GRID2: variants seen among roughly 807,000 people sequenced by gnomAD.
The protein encoded by GRID2 is glutamate ionotropic receptor delta type subunit 2, also known as glutamate receptor ionotropic, delta-2.
Under a neutral mutation model 114.8 loss-of-function variants are expected in GRID2, and 33 were observed. That is an observed-to-expected ratio of 0.29 (90% CI 0.22 to 0.38). The LOEUF (loss-of-function observed/expected upper bound fraction) is 0.38, where lower values mean the gene tolerates loss of function less well. Among genes scored for constraint, GRID2 ranks in the 10% least tolerant of loss-of-function variants. GRID2 has a pLI of 1.00. For synonymous variants in GRID2, 505 were observed against 449.9 expected, an observed-to-expected ratio of 1.12 and a Z score of -1.55; for missense variants, 1,184 against 1,257.7, an observed-to-expected ratio of 0.94 and a Z score of 0.89.
At chr4:93,329,919 A>G (rs1472904805) in intron 8 of GRID2, among the ~76,000 whole-genome samples, 1 of 152,090 alleles carries the variant, frequency 6.6e-6, no homozygotes, top group African/African-American at 2.4e-5. Context: ...CGAAAAAAAA[A>G]AAAATTGTAC....
intron 2 of GRID2, among the ~76,000 whole-genome samples, chr4:93,039,749 C>A (rs560916632): frequency 1.3e-5 from 2 of 152,276 alleles, no homozygotes; most frequent in African/African-American, 4.8e-5. Flanking sequence ...CCGGCTCATA[C>A]TAACCTTGGT....
exon 2 of GRID2, chr4:93,810,009 GAAAC>G (rs1735102246): frequency 6.6e-6 from 1 of 152,226 alleles, no homozygotes; most frequent in African/African-American, 2.4e-5. Flanking sequence ...CCAAGCATAT[GAAAC>G]AAGATGATCT....
At chr4:92,713,836 C>T (rs1367707794) in intron 2 of GRID2, among the ~76,000 whole-genome samples, 2 of 151,928 alleles carry the variant, frequency 1.3e-5, no homozygotes, top group South Asian at 2.1e-4. Flanking sequence ...CACCAGGTCC[C>T]TCCCATAACA....
chr4:92,992,690 A>G (rs984605570), intron 2 of GRID2, among the ~76,000 whole-genome samples: 1 of 152,214 alleles, frequency 6.6e-6, no homozygotes, highest in Non-Finnish European at 1.5e-5. Flanking sequence ...TTTTACCTGT[A>G]AAACAATAGA....
chr4:93,195,837 G>A (rs1009601396), intron 4 of GRID2, among the ~76,000 whole-genome samples: 12 of 152,226 alleles, frequency 7.9e-5, no homozygotes, highest in African/African-American at 2.2e-4. Flanking sequence ...AATCATAAAC[G>A]CTGACAGATA....
intron 8 of GRID2, among the ~76,000 whole-genome samples, chr4:93,368,374 A>G (rs751399703): frequency 1.5e-4 from 23 of 150,828 alleles, no homozygotes; most frequent in Non-Finnish European, 2.8e-4. Flanking sequence ...ATTCTTAACT[A>G]TGGGGATATA....
At chr4:93,651,137 A>G (rs1352851362) in intron 14 of GRID2, among the ~76,000 whole-genome samples, 1 of 152,154 alleles carries the variant, frequency 6.6e-6, no homozygotes, top group Non-Finnish European at 1.5e-5. Flanking sequence ...ATATTTAAAT[A>G]ATGAGCCAAT....
chr4:92,575,847 C>G (rs1267081254), intron 1 of GRID2, among the ~76,000 whole-genome samples: 1 of 152,224 alleles, frequency 6.6e-6, no homozygotes, highest in African/African-American at 2.4e-5. Flanking sequence ...CAGACACTCC[C>G]TCCCAGAGAG....
intron 8 of GRID2, among the ~76,000 whole-genome samples, chr4:93,288,984 T>C (rs1030064739): frequency 6.6e-6 from 1 of 152,232 alleles, no homozygotes; most frequent in African/African-American, 2.4e-5. Context: ...ACAGGTATAG[T>C]ATTTGTTTTA....
intron 2 of GRID2, among the ~76,000 whole-genome samples, chr4:92,842,529 G>A (rs1489815955): frequency 6.6e-6 from 1 of 152,082 alleles, no homozygotes; most frequent in Non-Finnish European, 1.5e-5. Context: ...TAAAATTTGG[G>A]AAGATAAAGT....
intron 8 of GRID2, among the ~76,000 whole-genome samples, chr4:93,356,224 A>T (rs551696850): frequency 1.3e-5 from 2 of 152,174 alleles, no homozygotes; most frequent in Admixed American, 1.3e-4. Flanking sequence ...CAAATTTTAC[A>T]TTTTTAATTT....
At chr4:92,397,893 T>C (rs1730583988) in intron 1 of GRID2, among the ~76,000 whole-genome samples, 1 of 152,120 alleles carries the variant, frequency 6.6e-6, no homozygotes, top group Admixed American at 6.6e-5. Flanking sequence ...TTGATTACCA[T>C]CACTATACCT....
At chr4:93,646,217 T>C (rs1722098651) in intron 14 of GRID2, among the ~76,000 whole-genome samples, 2 of 152,140 alleles carry the variant, frequency 1.3e-5, no homozygotes, top group African/African-American at 4.8e-5. Context: ...AAATTTGCCT[T>C]AAAGAAAATA....
intron 1 of GRID2, among the ~76,000 whole-genome samples, chr4:92,413,642 AG>A (rs1302279721): frequency 6.6e-6 from 1 of 152,176 alleles, no homozygotes; most frequent in Non-Finnish European, 1.5e-5. Context: ...GGATTCCAAA[AG>A]GATGGGATGA....
intron 2 of GRID2, among the ~76,000 whole-genome samples, chr4:92,757,794 G>A (rs898305113): frequency 2.6e-5 from 4 of 151,720 alleles, no homozygotes; most frequent in African/African-American, 9.7e-5. Flanking sequence ...CTGTGTTTTT[G>A]GAAGCAGGGA....
intron 2 of GRID2, among the ~76,000 whole-genome samples, chr4:92,747,743 G>A (rs1043460774): frequency 7.9e-5 from 12 of 151,998 alleles, no homozygotes; most frequent in Non-Finnish European, 1.8e-4. Context: ...AGAATCAAAA[G>A]CATTTACTAA....
chr4:92,662,800 A>G (rs1216511225), intron 2 of GRID2, among the ~76,000 whole-genome samples: 1 of 151,054 alleles, frequency 6.6e-6, no homozygotes, highest in Non-Finnish European at 1.5e-5. Context: ...ATCAATGAAC[A>G]ATATTGGAGT....
intron 5 of GRID2, among the ~76,000 whole-genome samples, chr4:93,211,132 A>G (rs531548073): frequency 6.6e-6 from 1 of 152,128 alleles, no homozygotes; most frequent in South Asian, 2.1e-4. Flanking sequence ...ATTTTTTTTA[A>G]TATCCAATTT....
At chr4:93,660,513 G>A (rs1023008355) in intron 14 of GRID2, among the ~76,000 whole-genome samples, 2 of 152,116 alleles carry the variant, frequency 1.3e-5, no homozygotes, top group Non-Finnish European at 2.9e-5. Flanking sequence ...TGAATCTTCT[G>A]TAAAGAAATA....
Sources: allele counts gnomAD v4.1 joint callset (sites outside exome capture counted in the v4.1 genomes callset), GRCh38; gene constraint gnomAD v4.1.1; transcripts MANE v1.5; gene names NCBI Gene and HGNC (gene_info 2026-07-23, HGNC 2026-07-21).